Variants in KCNAB1 observed in about 807,000 individuals in gnomAD.
KCNAB1 encodes voltage-gated potassium channel subunit beta-1.
In KCNAB1, 35 loss-of-function variants were observed where a neutral mutation model predicts 64.6. That is an observed-to-expected ratio of 0.54 (90% CI 0.41 to 0.72). The LOEUF (loss-of-function observed/expected upper bound fraction) is 0.72, where lower values mean the gene tolerates loss of function less well. KCNAB1 is among the 30% of genes least tolerant of loss of function. The probability of loss-of-function intolerance (pLI) is 0.00; values close to 1 mark genes in which losing one functional copy is unlikely to be tolerated. For missense variants in KCNAB1, 401 were observed against 512.9 expected (o/e 0.78, Z 2.11); for synonymous variants, 177 against 183.8 (o/e 0.96, Z 0.30).
At chr3:156,256,210 T>TAAATTGTATATTTAA (rs1718091475) in intron 1 of KCNAB1, among the ~76,000 whole-genome samples, 1 of 152,256 alleles carries the variant, frequency 6.6e-6, no homozygotes, top group African/African-American at 2.4e-5. Context: ...ATTGTATTCC[T>TAAATTGTATATTTAA]GATTTAATCT....
intron 1 of KCNAB1, chr3:156,176,174 G>A (rs1230893636): frequency 5.2e-6 from 4 of 773,694 alleles, no homozygotes; most frequent in Admixed American, 1.7e-5. Context: ...TTGGACAAGA[G>A]ATAAGAACCT....
At chr3:156,367,426 C>T (rs1726019528) in intron 1 of KCNAB1, among the ~76,000 whole-genome samples, 1 of 151,954 alleles carries the variant, frequency 6.6e-6, no homozygotes, top group South Asian at 2.1e-4. Context: ...CATGATCTAC[C>T]CGCCTCGGCC....
chr3:156,511,801 C>T (rs1376533403), intron 8 of KCNAB1, among the ~76,000 whole-genome samples: 2 of 152,324 alleles, frequency 1.3e-5, no homozygotes, highest in Middle Eastern at 3.4e-3. Context: ...CATCCCCTTA[C>T]CTGATAAAAT....
chr3:156,245,850 A>C (rs1717421056), intron 1 of KCNAB1, among the ~76,000 whole-genome samples: 1 of 152,176 alleles, frequency 6.6e-6, no homozygotes, highest in Admixed American at 6.5e-5. Flanking sequence ...AGCCCAGAGA[A>C]AGGCATTTAG....
In KCNAB1 at chr3:156,421,641, G is replaced by A. The variant is rs1715470379; in HGVS notation, c.301G>A (p.Val101Ile). ...HRNLGKSGLR[V>I]SCLGLGTWVT... ...GAATCTTGGAAAATCAGGACTCAGA[G>A]TTTCTTGCTTGGGTCTTGGTAAGTA... Residue 101 changes from valine to isoleucine, a missense_variant, in exon 2 of 14, where the codon GTT becomes ATT. Coordinates refer to ENST00000490337, the MANE Select transcript of KCNAB1 (RefSeq NM_172160.3). The A allele has an allele frequency of 4.3e-6, 7 of 1,613,960 alleles. No individual in the cohort carries two copies.
chr3:156,189,480 T>A (rs890531104), intron 1 of KCNAB1, among the ~76,000 whole-genome samples: 1 of 152,180 alleles, frequency 6.6e-6, no homozygotes, highest in Admixed American at 6.5e-5. Flanking sequence ...GTGTGCTATA[T>A]CACATTGCCA....
Position 156,474,727 on chromosome 3 carries a change from C to A in KCNAB1, c.572-7C>A. On this transcript the variant is annotated splice_region_variant and splice_polypyrimidine_tract_variant and intron_variant, in intron 7 of 13. Coordinates refer to ENST00000490337, the MANE Select transcript of KCNAB1 (RefSeq NM_172160.3). ...TTTTGGGGTTTGTTTCCTGCTTCTG[C>A]TCCCAGGATTGAAGGGCTCCCTCCA... 6.2e-7 allele frequency: 1 copy of A among 1,611,198 alleles called. No individual in the cohort carries two copies. The highest frequency in any genetic ancestry group is 8.5e-7 in the Non-Finnish European group (1 of 1,177,624).
chr3:156,413,899 T>TGATA (rs1473606653), intron 1 of KCNAB1, among the ~76,000 whole-genome samples: 9 of 152,142 alleles, frequency 5.9e-5, no homozygotes, highest in African/African-American at 1.9e-4. Flanking sequence ...AGATGCACTG[T>TGATA]GATATATCGC....
At chr3:156,153,767 C>T (rs755197788) in intron 1 of KCNAB1, among the ~76,000 whole-genome samples, 15 of 152,206 alleles carry the variant, frequency 9.9e-5, no homozygotes, top group East Asian at 1.9e-4. Context: ...TTGAGCCTTC[C>T]GGCTTTTGGG....
chr3:156,175,722 G>A, intron 1 of KCNAB1: 1 of 536,716 alleles, frequency 1.9e-6, no homozygotes, highest in Non-Finnish European at 3.5e-6. Flanking sequence ...GTGGTTTTTG[G>A]AATATGGCCA....
intron 1 of KCNAB1, among the ~76,000 whole-genome samples, chr3:156,287,600 G>A (rs760492444): frequency 6.6e-6 from 1 of 152,108 alleles, no homozygotes; most frequent in Non-Finnish European, 1.5e-5. Context: ...GGGAGGCCGA[G>A]GTGGGCAGAT....
intron 8 of KCNAB1, among the ~76,000 whole-genome samples, chr3:156,484,919 G>A (rs1196340398): frequency 6.6e-6 from 1 of 152,040 alleles, no homozygotes; most frequent in Non-Finnish European, 1.5e-5. Context: ...ATATAAACTT[G>A]GCTGAGTTGC....
intron 1 of KCNAB1, among the ~76,000 whole-genome samples, chr3:156,318,892 TA>T (rs1254514507): frequency 2.6e-5 from 4 of 152,256 alleles, no homozygotes; most frequent in African/African-American, 9.6e-5. Context: ...CCCAAGACAT[TA>T]AGGACTTGTT....
At chr3:156,221,579 A>G (rs887153924) in intron 1 of KCNAB1, among the ~76,000 whole-genome samples, 1 of 152,076 alleles carries the variant, frequency 6.6e-6, no homozygotes, top group African/African-American at 2.4e-5. Context: ...GGAGTTTGAG[A>G]CCAGCCTGGT....
At chr3:156,209,080 G>A (rs1373009846) in intron 1 of KCNAB1, among the ~76,000 whole-genome samples, 1 of 152,186 alleles carries the variant, frequency 6.6e-6, no homozygotes, top group Non-Finnish European at 1.5e-5. Flanking sequence ...ATTTTTTAAA[G>A]ACACAGTCAA....
chr3:156,493,227 A>C (rs1243114068), intron 8 of KCNAB1, among the ~76,000 whole-genome samples: 1 of 151,816 alleles, frequency 6.6e-6, no homozygotes, highest in Non-Finnish European at 1.5e-5. Flanking sequence ...AGCCCCACCC[A>C]CCTCTTCCTA....
intron 8 of KCNAB1, among the ~76,000 whole-genome samples, chr3:156,510,498 C>T (rs528037524): frequency 5.3e-5 from 8 of 152,298 alleles, no homozygotes; most frequent in Admixed American, 2.6e-4. Context: ...TAGGTCACTC[C>T]AAATGGCACA....
chr3:156,444,964 G>A (rs1717292193), intron 2 of KCNAB1, among the ~76,000 whole-genome samples: 1 of 152,160 alleles, frequency 6.6e-6, no homozygotes. Flanking sequence ...AGAGATGGCA[G>A]CAATTGAGTA....
chr3:156,353,145 C>A (rs746757885), intron 1 of KCNAB1, among the ~76,000 whole-genome samples: 14 of 152,242 alleles, frequency 9.2e-5, no homozygotes, highest in Non-Finnish European at 1.8e-4. Flanking sequence ...GAGGTAAAAT[C>A]TGTGCATTCA....
Sources: allele counts gnomAD v4.1 joint callset (sites outside exome capture counted in the v4.1 genomes callset), GRCh38; gene constraint gnomAD v4.1.1; transcripts MANE v1.5; gene names NCBI Gene and HGNC (gene_info 2026-07-23, HGNC 2026-07-21).